ARMH4: variants seen among roughly 807,000 people sequenced by gnomAD.
The protein encoded by ARMH4 is armadillo-like helical domain-containing protein 4.
Under a neutral mutation model 61.9 loss-of-function variants are expected in ARMH4, and 49 were observed. The observed-to-expected ratio is 0.79, with a 90% CI of 0.63 to 1.00. ARMH4 has a LOEUF of 1.00. Ranked by LOEUF, ARMH4 falls within the 50% of genes least tolerant of loss-of-function variation. ARMH4 has a pLI of 0.00. For missense variants in ARMH4, 934 were observed against 930.0 expected, an observed-to-expected ratio of 1.00 and a Z score of -0.06; for synonymous variants, 368 against 341.5, an observed-to-expected ratio of 1.08 and a Z score of -0.85.
intron 5 of ARMH4, among the ~76,000 whole-genome samples, chr14:58,090,428 G>A (rs77008447): frequency 0.02 from 3,108 of 152,162 alleles, 44 homozygotes; most frequent in Non-Finnish European, 0.032. Flanking sequence ...TGACACACGT[G>A]GTAACTGCCC....
At chr14:58,019,034 T>C (rs1277180663) in intron 5 of ARMH4, among the ~76,000 whole-genome samples, 1 of 148,970 alleles carries the variant, frequency 6.7e-6, no homozygotes, top group Non-Finnish European at 1.5e-5. Context: ...AAGACAAATA[T>C]CGCACAATCT....
intron 5 of ARMH4, among the ~76,000 whole-genome samples, chr14:58,046,190 C>T (rs763355765): frequency 6.6e-6 from 1 of 152,140 alleles, no homozygotes; most frequent in Non-Finnish European, 1.5e-5. Flanking sequence ...ATTTGTAAAT[C>T]CCACGGTAAT....
chr14:58,087,501 T>C (rs1885420960), intron 5 of ARMH4, among the ~76,000 whole-genome samples: 1 of 152,138 alleles, frequency 6.6e-6, no homozygotes, highest in South Asian at 2.1e-4. Flanking sequence ...TACATTAGCA[T>C]TTGAGACTTA....
At chr14:58,006,107 C>A (rs1882161690) in intron 6 of ARMH4, among the ~76,000 whole-genome samples, 1 of 152,046 alleles carries the variant, frequency 6.6e-6, no homozygotes, top group Non-Finnish European at 1.5e-5. Flanking sequence ...ACCTCAGGAC[C>A]TACCTAAGCT....
At chr14:58,078,495 G>T (rs1356236408) in intron 5 of ARMH4, among the ~76,000 whole-genome samples, 1 of 152,114 alleles carries the variant, frequency 6.6e-6, no homozygotes, top group Non-Finnish European at 1.5e-5. Context: ...GTCACTGCTG[G>T]TTGCCTATCC....
intron 5 of ARMH4, among the ~76,000 whole-genome samples, chr14:58,031,348 TAACA>T (rs1883223174): frequency 6.6e-6 from 1 of 152,316 alleles, no homozygotes; most frequent in South Asian, 2.1e-4. Context: ...TTTTACCCAG[TAACA>T]AACAAACCTT....
intron 1 of ARMH4, among the ~76,000 whole-genome samples, chr14:58,148,780 C>A (rs1361070566): frequency 6.6e-6 from 1 of 151,886 alleles, no homozygotes; most frequent in Non-Finnish European, 1.5e-5. Flanking sequence ...ATTTAACTGT[C>A]ACTCTAACAA....
At position 58,064,523 on chromosome 14, in the gene ARMH4, C is replaced by T. The variant is rs540438279; in HGVS notation, c.2089+32201G>A. Among the ~76,000 whole-genome samples the T allele has an allele frequency of 7.2e-5, 11 of 152,280 alleles. No individual in the cohort carries two copies. In the East Asian group the frequency reaches 2.1e-3, roughly 29 times the overall value. ...TCCAATAAGTCAATCAAAGACTACA[C>T]TTATTCCAATAATGTTGATACTTTG... On this transcript the variant is annotated intron_variant, in intron 5 of 7. Transcript: ENST00000267485.
At chr14:58,113,810 T>A (rs1199969350) in intron 4 of ARMH4, among the ~76,000 whole-genome samples, 3 of 151,922 alleles carry the variant, frequency 2.0e-5, no homozygotes, top group East Asian at 3.8e-4. Flanking sequence ...TCCCAAAAAA[T>A]TATATTTATA....
At chr14:58,060,797 G>A (rs178493) in intron 5 of ARMH4, among the ~76,000 whole-genome samples, 99,366 of 152,100 alleles carry the variant, frequency 0.65, 33,868 homozygotes, top group African/African-American at 0.85. Context: ...GGCTTTTCAC[G>A]GTGTATGTAC....
chr14:58,042,596 G>A (rs919428635), intron 5 of ARMH4, among the ~76,000 whole-genome samples: 2 of 152,030 alleles, frequency 1.3e-5, no homozygotes, highest in African/African-American at 2.4e-5. Context: ...AAATAACTAA[G>A]ATCAGAGCAG....
chr14:58,126,837 CTG>C (rs1886911474), intron 4 of ARMH4, among the ~76,000 whole-genome samples: 1 of 143,046 alleles, frequency 7.0e-6, no homozygotes, highest in South Asian at 2.2e-4. Flanking sequence ...GAATCTTGCT[CTG>C]TTGCCCAGGC....
Position 58,096,795 on chromosome 14 carries a change from A to G in ARMH4, c.2018T>C (p.Met673Thr). 6.2e-7 allele frequency: 1 copy of G among 1,614,092 alleles called. No individual in the cohort carries two copies. Among genetic ancestry groups the G allele is most frequent in the Non-Finnish European group, 8.5e-7 (1 of 1,180,004 alleles). The change falls in exon 5 of 8, where the codon ATG (methionine) becomes ACG (threonine). Residue 673 changes from methionine to threonine, a missense_variant. Physicochemically the swap from Met to Thr is moderately conservative, Grantham distance 81. Transcript: ENST00000267485. ...GTAGGTAGCTCCCTCCAACAGGTCC[A>G]TGTTTCCCTCCTCTAAGCCTGGTTC... ...SQEPGLEEGN[M>T]DLLEGATYQV...
chr14:58,080,363 A>G (rs1017521167), intron 5 of ARMH4, among the ~76,000 whole-genome samples: 1 of 152,186 alleles, frequency 6.6e-6, no homozygotes, highest in East Asian at 1.9e-4. Flanking sequence ...TCCCAACTTC[A>G]GGTGATCCAC....
At chr14:58,130,342 G>T (rs1201045223) in intron 4 of ARMH4, among the ~76,000 whole-genome samples, 1 of 152,158 alleles carries the variant, frequency 6.6e-6, no homozygotes, top group East Asian at 1.9e-4. Flanking sequence ...CAGCCAACCA[G>T]TGTTACCCAG....
chr14:58,017,857 G>T (rs923433243), intron 5 of ARMH4, among the ~76,000 whole-genome samples: 2 of 152,096 alleles, frequency 1.3e-5, no homozygotes, highest in South Asian at 2.1e-4. Context: ...AAAGCTGGAG[G>T]CATCAAAGTA....
chr14:58,133,455 T>A, intron 2 of ARMH4, 114 bp from the exon 3 acceptor site: 1 of 984,936 alleles, frequency 1.0e-6, no homozygotes, highest in Non-Finnish European at 1.5e-6. Context: ...TTTCAGGAAC[T>A]GGGGAAGCAA....
chr14:58,129,600 AAGGTAGAAAAAC>A (rs1245912663), intron 4 of ARMH4, among the ~76,000 whole-genome samples: 2 of 152,234 alleles, frequency 1.3e-5, no homozygotes, highest in Non-Finnish European at 2.9e-5. Flanking sequence ...ATTCCCGGGC[AAGGTAGAAAAAC>A]ATGCATTGAA....
At position 58,003,123 on chromosome 14, in the gene ARMH4, G is replaced by A. The variant is rs1882037360; in HGVS notation, c.*1613C>T. On this transcript the variant is annotated 3_prime_UTR_variant, in exon 8 of 8. Coordinates refer to ENST00000267485, the MANE Select transcript of ARMH4 (RefSeq NM_001001872.4). ...AAGGCATCATTCATTTAACAAAGATGGAAATTCACATCAAACGTTCCTTGA... is the reference window on the plus strand; with the variant it reads ...AAGGCATCATTCATTTAACAAAGATAGAAATTCACATCAAACGTTCCTTGA... The A allele has an allele frequency of 6.6e-6, 1 of 151,928 alleles. No individual in the cohort carries two copies. Among genetic ancestry groups the A allele is most frequent in the East Asian group, 2.0e-4 (1 of 5,126 alleles). The allele number at this position is 151,928 out of a possible 1,614,324, so 9.4% of individuals were successfully genotyped here. A position where few individuals can be genotyped will look rare whatever the true frequency, so the allele number is the denominator to read the frequency against.
Sources: gnomAD v4.1 joint callset for allele counts (sites outside exome capture counted in the v4.1 genomes callset) on GRCh38, gnomAD v4.1.1 for gene constraint, MANE v1.5 for transcripts, NCBI Gene and HGNC (gene_info 2026-07-23, HGNC 2026-07-21) for gene names.